NAALADL2: variants seen among roughly 807,000 people sequenced by gnomAD.
The protein encoded by NAALADL2 is inactive N-acetylated-alpha-linked acidic dipeptidase-like protein 2.
NAALADL2 carries 76 observed loss-of-function variants against 87.2 expected under a neutral mutation model. That is an observed-to-expected ratio of 0.87 (90% confidence interval 0.72 to 1.05). NAALADL2 has a LOEUF of 1.05. NAALADL2 is among the 50% of genes least tolerant of loss of function. NAALADL2 has a pLI of 0.00. For synonymous variants in NAALADL2, 354 were observed against 331.0 expected (o/e 1.07, Z -0.75); for missense variants, 1,089 against 945.8 (o/e 1.15, Z -1.99).
At chr3:175,222,476 T>G (rs6768672) in intron 2 of NAALADL2, among the ~76,000 whole-genome samples, 24,989 of 152,210 alleles carry the variant, frequency 0.16, 2,405 homozygotes, top group Admixed American at 0.27. Flanking sequence ...TGTTTCCTAC[T>G]CAGCTATTTT....
intron 1 of NAALADL2, among the ~76,000 whole-genome samples, chr3:174,475,631 A>T (rs1267733153): frequency 4.6e-5 from 7 of 152,028 alleles, no homozygotes; most frequent in African/African-American, 1.7e-4. Flanking sequence ...TGAAGATTTA[A>T]TATATATCAG....
chr3:175,165,372 G>GT (rs1733831333), intron 2 of NAALADL2, among the ~76,000 whole-genome samples: 1 of 151,786 alleles, frequency 6.6e-6, no homozygotes, highest in Non-Finnish European at 1.5e-5. Flanking sequence ...ATAGTGAATG[G>GT]GTAAATCAAT....
At chr3:175,428,233 T>A (rs1176656038) in intron 5 of NAALADL2, among the ~76,000 whole-genome samples, 5 of 152,148 alleles carry the variant, frequency 3.3e-5, no homozygotes, top group African/African-American at 1.2e-4. Context: ...ACAGTAGTGT[T>A]CACTACTGTA....
At chr3:174,924,965 T>G (rs141247628) in intron 1 of NAALADL2, among the ~76,000 whole-genome samples, 1,744 of 152,338 alleles carry the variant, frequency 0.011, 38 homozygotes, top group African/African-American at 0.04. Flanking sequence ...AGATTCTGGA[T>G]ATTAGCCCTT....
chr3:175,343,761 A>G (rs1449052210), intron 5 of NAALADL2, among the ~76,000 whole-genome samples: 1 of 150,902 alleles, frequency 6.6e-6, no homozygotes, highest in Non-Finnish European at 1.5e-5. Context: ...CCATGTATGC[A>G]GGGCAAAGTT....
chr3:175,403,683 A>G (rs1291123543), intron 5 of NAALADL2, among the ~76,000 whole-genome samples: 2 of 152,060 alleles, frequency 1.3e-5, no homozygotes, highest in Non-Finnish European at 2.9e-5. Context: ...ACAAACTTTG[A>G]TATATTTATT....
intron 5 of NAALADL2, among the ~76,000 whole-genome samples, chr3:175,369,816 C>A (rs1456209156): frequency 6.6e-6 from 1 of 152,154 alleles, no homozygotes; most frequent in Non-Finnish European, 1.5e-5. Context: ...TCTTCCTAAA[C>A]CCTTCATCTG....
chr3:175,293,794 A>T (rs1344894350), intron 4 of NAALADL2, among the ~76,000 whole-genome samples: 1 of 152,224 alleles, frequency 6.6e-6, no homozygotes, highest in Non-Finnish European at 1.5e-5. Context: ...GGCTCTGGAA[A>T]TATAAGATAT....
rs998216222 is a variant in NAALADL2 at position 175,354,514 on chromosome 3, G to A, written c.1090+30189G>A. ...ATGTTATTACACTCTAAAAAATGTT[G>A]ACTTCCTGTTCAGGGATGATTCTAT... On this transcript the variant is annotated intron_variant, in intron 5 of 13. Transcript: ENST00000454872. 2.0e-5 allele frequency among the ~76,000 whole-genome samples: 3 copies of A among 151,966 alleles called. No homozygotes were observed. The South Asian group carries it at 6.2e-4, about 32-fold the overall frequency.
At chr3:174,526,530 T>A (rs936607153) in intron 1 of NAALADL2, among the ~76,000 whole-genome samples, 1 of 152,218 alleles carries the variant, frequency 6.6e-6, no homozygotes, top group African/African-American at 2.4e-5. Flanking sequence ...GACTATTATT[T>A]GTGGTAAATG....
intron 1 of NAALADL2, among the ~76,000 whole-genome samples, chr3:174,940,890 AT>A (rs1738478313): frequency 6.6e-6 from 1 of 151,224 alleles, no homozygotes; most frequent in Non-Finnish European, 1.5e-5. Context: ...GTTTATTTGG[AT>A]CTTTCTTTTC....
chr3:174,733,768 C>A (rs1041474982), intron 2 of NAALADL2, among the ~76,000 whole-genome samples: 1 of 152,110 alleles, frequency 6.6e-6, no homozygotes, highest in Non-Finnish European at 1.5e-5. Flanking sequence ...ATCTCTCTGA[C>A]CTACTAAAAT....
chr3:175,247,927 C>A (rs1237185322), intron 3 of NAALADL2, among the ~76,000 whole-genome samples: 1 of 152,156 alleles, frequency 6.6e-6, no homozygotes, highest in African/African-American at 2.4e-5. Flanking sequence ...ATCTCAAAAT[C>A]TTCATTTCAC....
At chr3:175,536,437 G>A (rs1485675544) in intron 9 of NAALADL2, among the ~76,000 whole-genome samples, 1 of 151,890 alleles carries the variant, frequency 6.6e-6, no homozygotes, top group African/African-American at 2.4e-5. Context: ...TGATTGAATT[G>A]GATAATATAA....
At chr3:175,117,669 G>C (rs1007950167) in intron 2 of NAALADL2, among the ~76,000 whole-genome samples, 1 of 151,106 alleles carries the variant, frequency 6.6e-6, no homozygotes. Flanking sequence ...CTGTTGGTGG[G>C]ACTGTAAACT....
chr3:175,228,065 G>A (rs1361422617), intron 2 of NAALADL2, among the ~76,000 whole-genome samples: 1 of 151,718 alleles, frequency 6.6e-6, no homozygotes, highest in African/African-American at 2.4e-5. Context: ...CAAAAACTTT[G>A]TTATCATCTT....
chr3:174,716,734 A>G (rs1348402721), intron 2 of NAALADL2, among the ~76,000 whole-genome samples: 1 of 152,102 alleles, frequency 6.6e-6, no homozygotes, highest in Non-Finnish European at 1.5e-5. Context: ...ATATCCACAC[A>G]CCTACACACA....
chr3:174,770,860 G>C (rs1170753882), intron 3 of NAALADL2, among the ~76,000 whole-genome samples: 1 of 144,884 alleles, frequency 6.9e-6, no homozygotes, highest in Non-Finnish European at 1.5e-5. Flanking sequence ...AAAAAAAAAA[G>C]AAAAAAAAAG....
At chr3:174,894,379 T>A (rs949833665) in intron 1 of NAALADL2, among the ~76,000 whole-genome samples, 2 of 151,424 alleles carry the variant, frequency 1.3e-5, no homozygotes, top group Admixed American at 6.6e-5. Context: ...TCACCTGAGG[T>A]CAGGAGTTTG....
Sources: gnomAD v4.1 joint callset for allele counts (sites outside exome capture counted in the v4.1 genomes callset) on GRCh38, gnomAD v4.1.1 for gene constraint, MANE v1.5 for transcripts, NCBI Gene and HGNC (gene_info 2026-07-23, HGNC 2026-07-21) for gene names.